Variants in SETMAR observed in about 807,000 individuals in gnomAD.
The protein encoded by SETMAR is SET and mariner transposase domain methyltransferase.
In SETMAR, 44 loss-of-function variants were observed where a neutral mutation model predicts 58.4. The ratio of observed to expected loss-of-function variants is 0.75; its 90% CI spans 0.59 to 0.97. The LOEUF (loss-of-function observed/expected upper bound fraction) is 0.97. Among genes scored for constraint, SETMAR ranks in the 50% least tolerant of loss-of-function variants. The pLI, the probability that SETMAR is intolerant of heterozygous loss-of-function variation, is 0.00. For synonymous variants in SETMAR, 332 were observed against 307.4 expected, an observed-to-expected ratio of 1.08 and a Z score of -0.84; for missense variants, 903 against 840.2, an observed-to-expected ratio of 1.07 and a Z score of -0.92.
At chr3:4,303,995 T>C in intron 1 of SETMAR, 1 of 514,768 alleles carries the variant, frequency 1.9e-6, no homozygotes, top group Non-Finnish European at 3.0e-6. Context: ...AAATTAGCTG[T>C]GGCTCAGCCT....
chr3:4,312,335 C>G (rs1367841065), intron 1 of SETMAR, among the ~76,000 whole-genome samples: 1 of 152,048 alleles, frequency 6.6e-6, no homozygotes, highest in African/African-American at 2.4e-5. Context: ...ACTGAGTTTT[C>G]TGACATCCAA....
chr3:4,314,103 C>A, intron 2 of SETMAR: 1 of 378,790 alleles, frequency 2.6e-6, no homozygotes, highest in Non-Finnish European at 4.8e-6. Context: ...GGAACTGGAG[C>A]AGTCATCCTA....
At chr3:4,303,550 G>T in intron 1 of SETMAR, 24 bp downstream of exon 1, 1 of 1,345,870 alleles carries the variant, frequency 7.4e-7, no homozygotes, top group Non-Finnish European at 9.5e-7. Context: ...CAGGCGGCGC[G>T]GGAGGCGGGC....
At position 4,303,543 on chromosome 3, in the gene SETMAR, G is replaced by A. The variant is rs1380927694; in HGVS notation, c.156+17G>A. 1 of 1,359,646 alleles carries A rather than the reference G, an allele frequency of 7.4e-7. No homozygotes were observed. The highest frequency in any genetic ancestry group is 3.1e-5 in the East Asian group (1 of 32,000). The allele number at this position is 1,359,646 out of a possible 1,614,324, so 84.2% of individuals were successfully genotyped here. A position where few individuals can be genotyped will look rare whatever the true frequency, so the allele number is the denominator to read the frequency against. On this transcript the variant is annotated intron_variant, in intron 1 of 2. Coordinates refer to ENST00000358065, the MANE Select transcript of SETMAR (RefSeq NM_006515.4). ...CCCTTCCAGGTAGGGGCGGGGCCAG[G>A]CGGCGCGGGAGGCGGGCGCGCGGCT...
At chr3:4,303,993 T>C in intron 1 of SETMAR, 1 of 536,562 alleles carries the variant, frequency 1.9e-6, no homozygotes, top group Non-Finnish European at 2.8e-6. Context: ...GTAAATTAGC[T>C]GTGGCTCAGC....
At chr3:4,308,744 C>G (rs1016380416) in intron 1 of SETMAR, among the ~76,000 whole-genome samples, 1 of 152,216 alleles carries the variant, frequency 6.6e-6, no homozygotes, top group Admixed American at 6.5e-5. Flanking sequence ...CAGAGTTTTC[C>G]TGCCTGGTCT....
At chr3:4,305,510 T>C (rs533598041) in intron 1 of SETMAR, among the ~76,000 whole-genome samples, 1 of 152,332 alleles carries the variant, frequency 6.6e-6, no homozygotes, top group Non-Finnish European at 1.5e-5. Context: ...ATCTCCTTGT[T>C]GTGGAAAGAA....
Position 4,303,533 on chromosome 3 carries a change from G to C in SETMAR, c.156+7G>C, listed in dbSNP as rs1218367555. The C allele has an allele frequency of 2.3e-5, 31 of 1,371,558 alleles. No individual in the cohort carries two copies. The highest frequency in any genetic ancestry group is 2.9e-5 in the Non-Finnish European group (31 of 1,066,046). 85.0% of individuals were successfully genotyped at this position (1,371,558 alleles called of 1,614,324 possible). A position where few individuals can be genotyped will look rare whatever the true frequency, so the allele number is the denominator to read the frequency against. On this transcript the variant is annotated splice_region_variant and intron_variant, in intron 1 of 2. Transcript: ENST00000358065. ...CGCGCCGGCGCCCTTCCAGGTAGGG[G>C]CGGGGCCAGGCGGCGCGGGAGGCGG... is the stretch of plus-strand genomic sequence containing the variant.
intron 1 of SETMAR, among the ~76,000 whole-genome samples, chr3:4,310,741 A>G (rs1021466194): frequency 1.3e-5 from 2 of 152,220 alleles, no homozygotes; most frequent in Non-Finnish European, 2.9e-5. Flanking sequence ...CTGATTAGAA[A>G]ACTGCAGTTG....
chr3:4,311,436 G>A (rs1424496597), intron 1 of SETMAR, among the ~76,000 whole-genome samples: 1 of 152,184 alleles, frequency 6.6e-6, no homozygotes, highest in African/African-American at 2.4e-5. Flanking sequence ...TTACCCGACT[G>A]TGCTGTTGTG....
At chr3:4,308,686 G>T (rs752207527) in intron 1 of SETMAR, among the ~76,000 whole-genome samples, 2 of 152,194 alleles carry the variant, frequency 1.3e-5, no homozygotes, top group Non-Finnish European at 2.9e-5. Context: ...TCCATGTTCT[G>T]CACTAGGAAG....
chr3:4,307,871 C>T (rs771975429), intron 1 of SETMAR, among the ~76,000 whole-genome samples: 1 of 152,046 alleles, frequency 6.6e-6, no homozygotes, highest in South Asian at 2.1e-4. Flanking sequence ...AAGTGAGACC[C>T]CATCTCTACA....
chr3:4,313,302 A>T lies in SETMAR; in HGVS notation c.561A>T (p.Lys187Asn). ...EVQRRIHLQTKSDSNYIIAIR... is the reference protein window; with the variant it reads ...EVQRRIHLQTNSDSNYIIAIR... ...AGAGAAGAATTCACTTACAAACAAA[A>T]TCCGACTCCAATTACATTATAGCCA... The change falls in exon 2 of 3, where the codon AAA becomes AAT. Residue 187 changes from lysine to asparagine, a missense_variant. Transcript: ENST00000358065. 1 of 1,614,026 alleles carries T rather than the reference A, an allele frequency of 6.2e-7. No homozygotes were observed. The highest frequency in any genetic ancestry group is 8.5e-7 in the Non-Finnish European group (1 of 1,179,972).
At chr3:4,315,966 G>C (rs1698621429) in intron 2 of SETMAR, among the ~76,000 whole-genome samples, 1 of 149,378 alleles carries the variant, frequency 6.7e-6, no homozygotes, top group South Asian at 2.1e-4. Context: ...AGAATCACTT[G>C]AGCCCAGGAG....
intron 1 of SETMAR, among the ~76,000 whole-genome samples, chr3:4,306,139 C>T (rs970012914): frequency 1.1e-4 from 16 of 152,138 alleles, no homozygotes; most frequent in African/African-American, 2.9e-4. Context: ...ATATTCCTGC[C>T]GTGCGTGTGT....
chr3:4,316,166 G>A (rs1559220379), intron 2 of SETMAR, 46 bp from the exon 3 acceptor site: 1 of 622,236 alleles, frequency 1.6e-6, no homozygotes, highest in South Asian at 1.9e-5. Flanking sequence ...ATTTCTTTAT[G>A]TTTTTTTGCT....
intron 2 of SETMAR, chr3:4,314,111 C>G (rs1047108940): frequency 5.8e-6 from 2 of 344,182 alleles, no homozygotes; most frequent in African/African-American, 4.2e-5. Flanking sequence ...AGCAGTCATC[C>G]TAGACCCCAG....
At position 4,310,670 on chromosome 3, in the gene SETMAR, C is replaced by T. The variant is rs566392622; in HGVS notation, c.157-2228C>T. Among the ~76,000 whole-genome samples the T allele has an allele frequency of 5.3e-5, 8 of 152,180 alleles. No individual in the cohort carries two copies. In the South Asian group the frequency reaches 1.7e-3, roughly 32 times the overall value. On this transcript the variant is annotated intron_variant, in intron 1 of 2. Transcript: ENST00000358065. ...TTAAAAAATATATCATGAGATTCTT[C>T]AAAATCTTTTTAAATTTGTAAGTAA...
intron 1 of SETMAR, 118 bp downstream of exon 1, chr3:4,303,644 A>C (rs2125068083): frequency 7.0e-7 from 1 of 1,427,192 alleles, no homozygotes. Flanking sequence ...CTTACAGCGC[A>C]CCCGTTGGTG....
Sources: gnomAD v4.1 joint callset for allele counts (sites outside exome capture counted in the v4.1 genomes callset) on GRCh38, gnomAD v4.1.1 for gene constraint, MANE v1.5 for transcripts, NCBI Gene and HGNC (gene_info 2026-07-23, HGNC 2026-07-21) for gene names.